The following PIK3R1 variants were observed in gnomAD, a reference collection of about 807,000 sequenced individuals.
PIK3R1 encodes phosphoinositide-3-kinase regulatory subunit 1, also known as phosphatidylinositol 3-kinase regulatory subunit alpha.
Under a neutral mutation model 98.0 loss-of-function variants are expected in PIK3R1, and 29 were observed. The observed-to-expected ratio is 0.30, with a 90% confidence interval of 0.22 to 0.40. The LOEUF is 0.40. Ranked by LOEUF, PIK3R1 falls within the 10% of genes least tolerant of loss-of-function variation. PIK3R1 has a pLI of 1.00. For synonymous variants in PIK3R1, 282 were observed against 311.8 expected, an observed-to-expected ratio of 0.90 and a Z score of 1.01; for missense variants, 596 against 872.7, an observed-to-expected ratio of 0.68 and a Z score of 3.99.
chr5:68,295,116 G>A, intron 12 of PIK3R1, 32 bp from the exon 13 acceptor site: 14 of 1,596,094 alleles, frequency 8.8e-6, no homozygotes, highest in Non-Finnish European at 1.2e-5. Flanking sequence ...GATGTACCCA[G>A]ATAATAACAA....
At chr5:68,247,578 T>C (rs1266262124) in intron 2 of PIK3R1, among the ~76,000 whole-genome samples, 2 of 83,058 alleles carry the variant, frequency 2.4e-5, no homozygotes, top group Admixed American at 1.2e-4. Flanking sequence ...GCACGTGGCC[T>C]TTTTTTTTTT....
chr5:68,287,414 A>C (rs1285833735), intron 7 of PIK3R1, among the ~76,000 whole-genome samples: 1 of 152,086 alleles, frequency 6.6e-6, no homozygotes, highest in African/African-American at 2.4e-5. Context: ...TAGGGCTATA[A>C]TCTTCTGTAA....
At chr5:68,231,551 A>G (rs1049904376) in intron 2 of PIK3R1, among the ~76,000 whole-genome samples, 5 of 152,226 alleles carry the variant, frequency 3.3e-5, no homozygotes, top group African/African-American at 1.2e-4. Context: ...TTCCCTGTCC[A>G]GAAAGCAGGG....
At position 68,298,036 on chromosome 5, in the gene PIK3R1, A is replaced by G; in HGVS notation, c.*435A>G. The G allele has an allele frequency of 4.3e-6, 1 of 233,990 alleles. No homozygotes were observed. The highest frequency in any genetic ancestry group is 6.1e-5 in the East Asian group (1 of 16,314). 14.5% of individuals were successfully genotyped at this position (233,990 alleles called of 1,614,324 possible). ...ACCCTGGCCTGAGAAGGTTTGGTCC[A>G]GCCTGGTTTAGCCTGGATGTTGCTG... On this transcript the variant is annotated 3_prime_UTR_variant, in exon 16 of 16. Coordinates refer to ENST00000521381, the MANE Select transcript of PIK3R1 (RefSeq NM_181523.3).
intron 4 of PIK3R1, among the ~76,000 whole-genome samples, chr5:68,274,315 G>A (rs1746484085): frequency 6.6e-6 from 1 of 152,138 alleles, no homozygotes; most frequent in African/African-American, 2.4e-5. Context: ...CTCTCGCTCT[G>A]TGTATCTACC....
At chr5:68,295,653 A>G in intron 14 of PIK3R1, 165 bp downstream of exon 14, 1 of 643,808 alleles carries the variant, frequency 1.6e-6, no homozygotes, top group South Asian at 1.9e-5. Context: ...TTAAAAAAAG[A>G]AAGCTTAGCT....
At chr5:68,252,418 G>C (rs1039509473) in intron 2 of PIK3R1, among the ~76,000 whole-genome samples, 9 of 152,052 alleles carry the variant, frequency 5.9e-5, no homozygotes, top group African/African-American at 2.2e-4. Flanking sequence ...AGAGGGAAGG[G>C]AGTGTGTAGC....
At chr5:68,278,332 A>C (rs1371086298) in intron 4 of PIK3R1, among the ~76,000 whole-genome samples, 6 of 152,144 alleles carry the variant, frequency 3.9e-5, no homozygotes, top group Non-Finnish European at 8.8e-5. Context: ...AAATGTTCAA[A>C]TTATTTTCAT....
rs1403235540 is a variant in PIK3R1 at position 68,300,460 on chromosome 5, C to G, written c.*2859C>G. 4.3e-6 allele frequency: 1 copy of G among 233,140 alleles called. No individual in the cohort carries two copies. Among genetic ancestry groups the G allele is most frequent in the South Asian group, 1.8e-4 (1 of 5,532 alleles). 14.4% of individuals were successfully genotyped at this position (233,140 alleles called of 1,614,324 possible). On this transcript the variant is annotated 3_prime_UTR_variant, in exon 16 of 16. Coordinates refer to ENST00000521381, the MANE Select transcript of PIK3R1 (RefSeq NM_181523.3). ...CGTCAGTTTTTCCCACCCAGTGTAG[C>G]ATCCTAAAGATAAAGCCAGAAGCTA...
rs190040765 is a variant in PIK3R1 at position 68,231,624 on chromosome 5, C to T, written c.334+4615C>T. Among the ~76,000 whole-genome samples the T allele has an allele frequency of 3.5e-4, 54 of 152,302 alleles. No homozygotes were observed. In the East Asian group the frequency reaches 0.01, roughly 28 times the overall value. Reference sequence around the variant, plus strand: ...GGTCACAGAAAATAGTGACCTGATCCCAAATTACACACCTCTGCTGAGCCC... The same window carrying T: ...GGTCACAGAAAATAGTGACCTGATCTCAAATTACACACCTCTGCTGAGCCC... On this transcript the variant is annotated intron_variant, in intron 2 of 15. Transcript: ENST00000521381.
chr5:68,280,880 A>G, intron 6 of PIK3R1, 47 bp from the exon 7 acceptor site: 3 of 1,368,392 alleles, frequency 2.2e-6, no homozygotes, highest in Non-Finnish European at 3.1e-6. Context: ...AATGAAAATG[A>G]GTTTGCTTTT....
At chr5:68,252,459 A>G (rs1285624880) in intron 2 of PIK3R1, among the ~76,000 whole-genome samples, 4 of 152,164 alleles carry the variant, frequency 2.6e-5, no homozygotes, top group Non-Finnish European at 5.9e-5. Context: ...CATCAAGTTA[A>G]CAAGAAAAAG....
intron 7 of PIK3R1, chr5:68,290,987 ATTGT>A (rs1488861877): frequency 1.4e-5 from 8 of 568,336 alleles, no homozygotes; most frequent in Non-Finnish European, 2.5e-5. Flanking sequence ...AATTAAACAG[ATTGT>A]TTGACTGTCT....
chr5:68,230,461 G>A (rs1004531640), intron 2 of PIK3R1, among the ~76,000 whole-genome samples: 5 of 152,188 alleles, frequency 3.3e-5, no homozygotes, highest in Admixed American at 6.5e-5. Flanking sequence ...AATTGACCAC[G>A]TGCTCTGAAT....
intron 7 of PIK3R1, chr5:68,288,801 C>A: frequency 3.8e-6 from 6 of 1,585,530 alleles, no homozygotes; most frequent in Non-Finnish European, 5.2e-6. Context: ...CTGAGCGGTG[C>A]CTTTCTGTAG....
chr5:68,247,548 A>G (rs1266675670), intron 2 of PIK3R1, among the ~76,000 whole-genome samples: 1 of 151,268 alleles, frequency 6.6e-6, no homozygotes, highest in East Asian at 1.9e-4. Context: ...AAAGGGCTAA[A>G]ATTATAGGTG....
intron 1 of PIK3R1, among the ~76,000 whole-genome samples, chr5:68,223,133 A>G (rs1324635138): frequency 8.9e-5 from 4 of 45,082 alleles, no homozygotes; most frequent in Non-Finnish European, 1.8e-4. Context: ...AATCATCATC[A>G]TCATCATCAT....
Position 68,226,823 on chromosome 5 carries a change from C to A in PIK3R1, c.148C>A (p.Pro50Thr). The A allele has an allele frequency of 1.2e-6, 2 of 1,613,954 alleles. No homozygotes were observed. The highest frequency in any genetic ancestry group is 1.7e-6 in the Non-Finnish European group (2 of 1,179,996). The change falls in exon 2 of 16, where the codon CCT (proline) becomes ACT (threonine). Residue 50 changes from proline to threonine, a missense_variant. Physicochemically the swap from Pro to Thr is conservative, Grantham distance 38 (BLOSUM62 -1). This residue lies in a region of PIK3R1 where 352 missense variants were observed against 393.3 expected (regional missense o/e 0.90). Transcript: ENST00000521381. The stretch of plus-strand genomic sequence containing the variant: ...ATTCAGTGATGGACAGGAAGCCAGG[C>A]CTGAAGAAATTGGCTGGTTAAATGG... ...LGFSDGQEAR[P>T]EEIGWLNGYN...
chr5:68,233,074 GA>G (rs1170534074), intron 2 of PIK3R1, among the ~76,000 whole-genome samples: 1 of 151,918 alleles, frequency 6.6e-6, no homozygotes, highest in African/African-American at 2.4e-5. Flanking sequence ...CTCTGAGTTA[GA>G]AAAAAAATTA....
Sources: allele counts gnomAD v4.1 joint callset (sites outside exome capture counted in the v4.1 genomes callset), GRCh38; gene constraint gnomAD v4.1.1; regional missense constraint gnomAD v4.1.1; transcripts MANE v1.5; gene names NCBI Gene and HGNC (gene_info 2026-07-23, HGNC 2026-07-21).